RBFOX2: variants seen among roughly 807,000 people sequenced by gnomAD.
RBFOX2 encodes RNA binding fox-1 homolog 2.
In RBFOX2, 10 loss-of-function variants were observed where a neutral mutation model predicts 49.1. The observed-to-expected ratio is 0.20, with a 90% CI of 0.13 to 0.35. The LOEUF is 0.35. RBFOX2 is among the 10% of genes least tolerant of loss of function. The pLI is 1.00. For missense variants in RBFOX2, 323 were observed against 486.9 expected (o/e 0.66, Z 3.17); for synonymous variants, 183 against 187.4 (o/e 0.98, Z 0.19).
At chr22:35,979,002 A>G (rs2057331394) in intron 1 of RBFOX2, among the ~76,000 whole-genome samples, 2 of 152,210 alleles carry the variant, frequency 1.3e-5, no homozygotes, top group Admixed American at 6.5e-5. Context: ...GATGAATCTG[A>G]TGTGGAGAAA....
In RBFOX2 at chr22:36,014,168, C is replaced by T. The variant is rs542487133; in HGVS notation, c.186+14072G>A. Reference sequence around the variant, plus strand: ...ACAGAGTCTCACTCTGTCGCCCAGGCTGGAGTGCAGTGGCGCAATCGCGGC... The same window carrying T: ...ACAGAGTCTCACTCTGTCGCCCAGGTTGGAGTGCAGTGGCGCAATCGCGGC... On this transcript the variant is annotated intron_variant, in intron 1 of 13. Coordinates refer to the RBFOX2 transcript ENST00000438146. 2.6e-5 allele frequency among the ~76,000 whole-genome samples: 4 copies of T among 151,488 alleles called. No homozygotes were observed. The South Asian group carries it at 8.4e-4, about 32-fold the overall frequency.
At chr22:35,985,901 T>TA (rs57564689) in intron 1 of RBFOX2, among the ~76,000 whole-genome samples, 358 of 134,132 alleles carry the variant, frequency 2.7e-3, no homozygotes, top group African/African-American at 8.7e-3. Flanking sequence ...GATAGATAGA[T>TA]GGATAGATAG....
rs371860936 is a variant in RBFOX2, at chr22:35,926,947, A to G, written c.-34+11900T>C. The stretch of plus-strand genomic sequence containing the variant: ...CAACCTATTTTCACAACATCAGGCA[A>G]TAAGTCACTCTTGACCTAGGACATT... On this transcript the variant is annotated intron_variant, in intron 1 of 13. Coordinates refer to the RBFOX2 transcript ENST00000359369. Among the ~76,000 whole-genome samples, 7 of 152,366 alleles carry G rather than the reference A, an allele frequency of 4.6e-5. No individual in the cohort carries two copies. The East Asian group carries it at 5.8e-4, about 13-fold the overall frequency.
At chr22:35,751,292 G>A (rs1405494218) in intron 9 of RBFOX2, among the ~76,000 whole-genome samples, 1 of 152,120 alleles carries the variant, frequency 6.6e-6, no homozygotes, top group African/African-American at 2.4e-5. Flanking sequence ...TTTCTACCCG[G>A]AAGACAATGA....
chr22:35,826,685 T>C (rs1157571560), intron 1 of RBFOX2, among the ~76,000 whole-genome samples: 1 of 152,146 alleles, frequency 6.6e-6, no homozygotes, highest in Non-Finnish European at 1.5e-5. Flanking sequence ...GGGCATATGC[T>C]CCAAGACTCT....
At chr22:35,940,871 G>A (rs1202946299), upstream of RBFOX2, among the ~76,000 whole-genome samples, 1 of 152,046 alleles carries the variant, frequency 6.6e-6, no homozygotes, top group Non-Finnish European at 1.5e-5. Context: ...TCAAGAATAG[G>A]CAGATTATTC....
intron 1 of RBFOX2, among the ~76,000 whole-genome samples, chr22:35,846,237 AATTAT>A (rs968029372): frequency 2.3e-4 from 35 of 149,604 alleles, no homozygotes; most frequent in Admixed American, 2.3e-3. Context: ...AAGTTAATAT[AATTAT>A]ATAACTATGT....
chr22:35,764,108 G>A (rs943391169), intron 6 of RBFOX2, among the ~76,000 whole-genome samples: 10 of 152,176 alleles, frequency 6.6e-5, no homozygotes, highest in Admixed American at 1.3e-4. Context: ...GTATCATACC[G>A]ATAAAAGGAG....
intron 1 of RBFOX2, chr22:35,996,417 C>G (rs567866077): frequency 1.6e-4 from 24 of 152,226 alleles, no homozygotes; most frequent in African/African-American, 5.5e-4. Flanking sequence ...AGTTCAAGAC[C>G]AGCCTGGCCA....
intron 1 of RBFOX2, among the ~76,000 whole-genome samples, chr22:35,912,232 T>C (rs1232582538): frequency 1.3e-5 from 2 of 152,160 alleles, no homozygotes; most frequent in East Asian, 3.8e-4. Context: ...AAGCCCAACA[T>C]AAAGTGTGGC....
intron 8 of RBFOX2, among the ~76,000 whole-genome samples, 174 bp downstream of exon 9, chr22:35,761,028 G>A (rs1938615919): frequency 6.6e-6 from 1 of 151,962 alleles, no homozygotes; most frequent in African/African-American, 2.4e-5. Flanking sequence ...CTTAATATTT[G>A]GTCAGGAAAA....
intron 1 of RBFOX2, chr22:35,996,616 A>T (rs1053053407): frequency 6.6e-6 from 1 of 151,982 alleles, no homozygotes; most frequent in Non-Finnish European, 1.5e-5. Flanking sequence ...GTCTCAAAAA[A>T]AAAAAAAAGA....
intron 1 of RBFOX2, among the ~76,000 whole-genome samples, chr22:35,956,375 T>A (rs961429489): frequency 2.0e-5 from 3 of 151,984 alleles, no homozygotes; most frequent in African/African-American, 2.4e-5. Context: ...TTTTTTTTTT[T>A]AATTAAGACA....
intron 1 of RBFOX2, among the ~76,000 whole-genome samples, chr22:35,814,810 T>C (rs1399654877): frequency 6.6e-6 from 1 of 150,822 alleles, no homozygotes; most frequent in Non-Finnish European, 1.5e-5. Context: ...ATCCTAATGC[T>C]TTGGGAGGCC....
In RBFOX2 at chr22:35,814,881, G is replaced by A. The variant is rs571221462; in HGVS notation, c.28-4877C>T. On this transcript the variant is annotated intron_variant, in intron 1 of 11. Coordinates refer to ENST00000405409, the Ensembl canonical transcript of RBFOX2. ...ACCAACCTGGGCAATGGGAGACCCT[G>A]TCTCCTAAAAAGAAACAATGTCTGT... Among the ~76,000 whole-genome samples the A allele has an allele frequency of 8.5e-5, 13 of 152,166 alleles. No homozygotes were observed. The South Asian group carries it at 2.5e-3, about 29-fold the overall frequency.
chr22:35,894,207 T>C (rs1360664151), intron 1 of RBFOX2, among the ~76,000 whole-genome samples: 1 of 152,174 alleles, frequency 6.6e-6, no homozygotes, highest in African/African-American at 2.4e-5. Context: ...CTTTATAATG[T>C]CTCATTATTA....
chr22:35,855,572 A>T (rs2149027711), intron 1 of RBFOX2, among the ~76,000 whole-genome samples: 1 of 152,010 alleles, frequency 6.6e-6, no homozygotes, highest in Non-Finnish European at 1.5e-5. Context: ...CTCCTGGCTA[A>T]TTTTTTCAAC....
At chr22:35,836,347 G>C (rs1001346714) in intron 1 of RBFOX2, 1 of 152,182 alleles carries the variant, frequency 6.6e-6, no homozygotes, top group African/African-American at 2.4e-5. Flanking sequence ...TTTAATTAAA[G>C]CATAAAATAC....
At chr22:35,823,877 C>A (rs967262389) in intron 1 of RBFOX2, among the ~76,000 whole-genome samples, 2 of 152,202 alleles carry the variant, frequency 1.3e-5, no homozygotes, top group African/African-American at 4.8e-5. Flanking sequence ...TGGCCGGATG[C>A]AGTGGCTCAC....
Sources: gnomAD v4.1 joint callset for allele counts (sites outside exome capture counted in the v4.1 genomes callset) on GRCh38, gnomAD v4.1.1 for gene constraint, MANE v1.5 for transcripts, NCBI Gene and HGNC (gene_info 2026-07-23, HGNC 2026-07-21) for gene names.